The following PPFIBP1 variants were observed in gnomAD, a reference collection of about 807,000 sequenced individuals.
PPFIBP1 encodes the protein liprin-beta-1.
A neutral mutation model predicts 137.8 loss-of-function variants in PPFIBP1; 112 were observed. The observed-to-expected ratio is 0.81, with a 90% CI of 0.70 to 0.95. The LOEUF (loss-of-function observed/expected upper bound fraction) is 0.95. PPFIBP1 is among the 40% of genes least tolerant of loss of function. PPFIBP1 has a pLI of 0.00. For missense variants in PPFIBP1, 1,083 were observed against 1,196.6 expected, an observed-to-expected ratio of 0.91 and a Z score of 1.40; for synonymous variants, 378 against 417.3, an observed-to-expected ratio of 0.91 and a Z score of 1.15.
intron 8 of PPFIBP1, among the ~76,000 whole-genome samples, chr12:27,655,938 A>G (rs370957826): frequency 6.6e-6 from 1 of 152,256 alleles, no homozygotes; most frequent in South Asian, 2.1e-4. Flanking sequence ...ACTGAAAGGA[A>G]ACTGAAAATT....
intron 12 of PPFIBP1, among the ~76,000 whole-genome samples, chr12:27,664,930 G>A (rs1028140285): frequency 2.0e-5 from 3 of 152,178 alleles, no homozygotes; most frequent in Non-Finnish European, 4.4e-5. Flanking sequence ...GCCTACGGCT[G>A]TAATCCCAGC....
chr12:27,574,425 C>A (rs2050396004), intron 1 of PPFIBP1, among the ~76,000 whole-genome samples: 1 of 152,122 alleles, frequency 6.6e-6, no homozygotes. Flanking sequence ...CCTGGAGAGG[C>A]CTTACTTACC....
rs56797899 is a variant in PPFIBP1, at chr12:27,658,138, GAAA to G, written c.812-661_812-659del. Among the ~76,000 whole-genome samples the G allele has an allele frequency of 2.4e-3, 298 of 122,982 alleles. 1 individual carries two copies. The highest frequency in any genetic ancestry group is 5.1e-3 in the East Asian group (22 of 4,300). 80.7% of individuals were successfully genotyped at this position (122,982 alleles called of 152,430 possible). On this transcript the variant is annotated intron_variant, in intron 9 of 29. Transcript: ENST00000228425. ...GGCAATGGAGCAAGATCCTGTCTCT[GAAA>G]AAAAAAAAAAAAAAAAGAATAAAAT...
At chr12:27,615,395 G>A (rs917424593) in intron 2 of PPFIBP1, among the ~76,000 whole-genome samples, 2 of 152,148 alleles carry the variant, frequency 1.3e-5, no homozygotes, top group Non-Finnish European at 2.9e-5. Context: ...CCCAACAGAG[G>A]GGTGGGTGGA....
chr12:27,528,012 G>C (rs1320496261), intron 1 of PPFIBP1, among the ~76,000 whole-genome samples: 1 of 152,084 alleles, frequency 6.6e-6, no homozygotes, highest in South Asian at 2.1e-4. Context: ...GCAGTGGCGT[G>C]ATCTTGCCTC....
At chr12:27,681,379 T>A (rs1362241938) in intron 21 of PPFIBP1, among the ~76,000 whole-genome samples, 167 bp from the exon 22 acceptor site, 1 of 152,248 alleles carries the variant, frequency 6.6e-6, no homozygotes, top group Non-Finnish European at 1.5e-5. Flanking sequence ...AAGATAACTT[T>A]CAACCAGTTG....
At chr12:27,611,789 T>A (rs1419513240) in intron 2 of PPFIBP1, among the ~76,000 whole-genome samples, 1 of 64,830 alleles carries the variant, frequency 1.5e-5, no homozygotes, top group African/African-American at 5.7e-5. Context: ...CACTGTGCTC[T>A]CTCTCTCTCT....
intron 2 of PPFIBP1, among the ~76,000 whole-genome samples, chr12:27,607,735 A>G (rs565697779): frequency 2.6e-5 from 4 of 152,332 alleles, no homozygotes; most frequent in African/African-American, 9.6e-5. Context: ...TGTTGCGGCA[A>G]GAATGGGGAA....
intron 2 of PPFIBP1, among the ~76,000 whole-genome samples, chr12:27,583,516 A>C (rs1003728001): frequency 3.3e-5 from 5 of 151,982 alleles, no homozygotes; most frequent in African/African-American, 7.3e-5. Context: ...GAAGAGTGGG[A>C]TTTTTGGTTC....
At chr12:27,626,858 G>C (rs1410660425) in intron 2 of PPFIBP1, among the ~76,000 whole-genome samples, 2 of 152,162 alleles carry the variant, frequency 1.3e-5, no homozygotes, top group Non-Finnish European at 2.9e-5. Flanking sequence ...GAGCCACCAT[G>C]TCTGGCAGGA....
intron 2 of PPFIBP1, among the ~76,000 whole-genome samples, chr12:27,594,922 CAT>C (rs1271613583): frequency 6.6e-6 from 1 of 152,144 alleles, no homozygotes; most frequent in Non-Finnish European, 1.5e-5. Flanking sequence ...CTACAACAAA[CAT>C]ATATATGGTT....
chr12:27,606,593 C>G (rs929362264), intron 2 of PPFIBP1, among the ~76,000 whole-genome samples: 2 of 152,112 alleles, frequency 1.3e-5, no homozygotes, highest in Admixed American at 6.6e-5. Flanking sequence ...AGGATATCTT[C>G]GAAATGGTTT....
chr12:27,683,741 T>G (rs2061021279), intron 24 of PPFIBP1, among the ~76,000 whole-genome samples: 1 of 152,168 alleles, frequency 6.6e-6, no homozygotes, highest in Admixed American at 6.5e-5. Flanking sequence ...CTATTAATGT[T>G]CTACTTAAAA....
At chr12:27,541,443 G>C (rs1456010182) in intron 1 of PPFIBP1, among the ~76,000 whole-genome samples, 3 of 152,142 alleles carry the variant, frequency 2.0e-5, no homozygotes, top group Non-Finnish European at 2.9e-5. Flanking sequence ...TGAGCGAGCT[G>C]TGACTACACC....
rs2061689542 is a variant in PPFIBP1, at chr12:27,694,519, A to G, written c.*1637A>G. 6.6e-6 allele frequency: 1 copy of G among 152,232 alleles called. No homozygotes were observed. The highest frequency in any genetic ancestry group is 2.1e-4 in the South Asian group (1 of 4,838). 9.4% of individuals were successfully genotyped at this position (152,232 alleles called of 1,614,324 possible). ...AGGCTATCAATGAATGGAGGTTTTTAAAAAGTTGAATATTTGTCTGAACAT... is the reference window on the plus strand; with the variant it reads ...AGGCTATCAATGAATGGAGGTTTTTGAAAAGTTGAATATTTGTCTGAACAT... On this transcript the variant is annotated 3_prime_UTR_variant, in exon 30 of 30. Coordinates refer to ENST00000228425, the MANE Select transcript of PPFIBP1 (RefSeq NM_003622.4).
intron 1 of PPFIBP1, among the ~76,000 whole-genome samples, chr12:27,563,303 A>AAAAAAAAAAAAAAAAAAAAAT (rs2049328691): frequency 6.8e-6 from 1 of 146,452 alleles, no homozygotes; most frequent in Non-Finnish European, 1.5e-5. Context: ...AAAAAAAAAA[A>AAAAAAAAAAAAAAAAAAAAAT]AAAATTAGCT....
At chr12:27,575,815 G>A (rs577792867) in intron 1 of PPFIBP1, among the ~76,000 whole-genome samples, 2 of 152,282 alleles carry the variant, frequency 1.3e-5, no homozygotes, top group African/African-American at 4.8e-5. Flanking sequence ...TTGTCATTGA[G>A]ATTTTTTGCG....
At chr12:27,610,016 C>T (rs2054927450) in intron 2 of PPFIBP1, among the ~76,000 whole-genome samples, 1 of 152,152 alleles carries the variant, frequency 6.6e-6, no homozygotes, top group South Asian at 2.1e-4. Context: ...AATGGTGCCC[C>T]TCCAGGTGAA....
intron 1 of PPFIBP1, among the ~76,000 whole-genome samples, chr12:27,565,707 G>A (rs1383621465): frequency 6.6e-6 from 1 of 152,064 alleles, no homozygotes; most frequent in Non-Finnish European, 1.5e-5. Context: ...ACAGTGAAGG[G>A]GTCTACGTTC....
Sources: allele counts gnomAD v4.1 joint callset (sites outside exome capture counted in the v4.1 genomes callset), GRCh38; gene constraint gnomAD v4.1.1; transcripts MANE v1.5; gene names NCBI Gene and HGNC (gene_info 2026-07-23, HGNC 2026-07-21).